PLCB4: variants seen among roughly 807,000 people sequenced by gnomAD.
PLCB4 encodes phospholipase C beta 4.
In PLCB4, 77 loss-of-function variants were observed where a neutral mutation model predicts 178.8. That is an observed-to-expected ratio of 0.43 (90% CI 0.36 to 0.52). The LOEUF is 0.52. PLCB4 is among the 20% of genes least tolerant of loss of function. PLCB4 has a pLI of 0.00. For synonymous variants in PLCB4, 496 were observed against 490.8 expected, an observed-to-expected ratio of 1.01 and a Z score of -0.14; for missense variants, 1,024 against 1,453.4, an observed-to-expected ratio of 0.70 and a Z score of 4.80.
At chr20:9,472,756 C>CA in intron 36 of PLCB4, 34 bp from the exon 37 acceptor site, 1 of 1,358,270 alleles carries the variant, frequency 7.4e-7, no homozygotes, top group Non-Finnish European at 1.0e-6. Context: ...CATTCAATGT[C>CA]ATACCAACCG....
At chr20:9,299,985 G>A (rs1456762427) in intron 3 of PLCB4, among the ~76,000 whole-genome samples, 1 of 152,026 alleles carries the variant, frequency 6.6e-6, no homozygotes, top group African/African-American at 2.4e-5. Flanking sequence ...TAATAAAAAT[G>A]GAGGTATTTT....
At chr20:9,195,502 A>G (rs2093460624) in intron 2 of PLCB4, among the ~76,000 whole-genome samples, 3 of 152,260 alleles carry the variant, frequency 2.0e-5, no homozygotes, top group Admixed American at 2.0e-4. Context: ...GGTGGGTATC[A>G]TCAGCAGTTC....
chr20:9,093,683 G>A lies in PLCB4; in HGVS notation c.-134-2604G>A, dbSNP rs527915964. ...GCACCTGGTTTGTCTTTGATGTGGG[G>A]TAGGCACAGCTTTACACATGGTCTT... On this transcript the variant is annotated intron_variant, in intron 1 of 39. Transcript: ENST00000378473. Among the ~76,000 whole-genome samples, 8 of 151,938 alleles carry A rather than the reference G, an allele frequency of 5.3e-5. No individual in the cohort carries two copies. In the South Asian group the frequency reaches 1.5e-3, roughly 28 times the overall value.
At position 9,316,614 on chromosome 20, in the gene PLCB4, G is replaced by A. The variant is rs1346303571; in HGVS notation, c.84+8716G>A. Among the ~76,000 whole-genome samples, 3 of 152,068 alleles carry A rather than the reference G, an allele frequency of 2.0e-5. No homozygotes were observed. The South Asian group carries it at 6.2e-4, about 32-fold the overall frequency. ...TAGGATATGTTAAGGTGGATGGGTC[G>A]AAGAATATCAGTTGTTCTCCTTAGG... On this transcript the variant is annotated intron_variant, in intron 4 of 39. Coordinates refer to ENST00000378473, the MANE Select transcript of PLCB4 (RefSeq NM_001377142.1).
At chr20:9,313,166 G>T (rs150269351) in intron 4 of PLCB4, among the ~76,000 whole-genome samples, 82 of 152,166 alleles carry the variant, frequency 5.4e-4, no homozygotes, top group African/African-American at 1.8e-3. Flanking sequence ...TACACTAAAA[G>T]ATACTTACAG....
At chr20:9,148,328 G>A (rs996494751) in intron 2 of PLCB4, among the ~76,000 whole-genome samples, 1 of 152,022 alleles carries the variant, frequency 6.6e-6, no homozygotes, top group African/African-American at 2.4e-5. Flanking sequence ...CTTTATATAG[G>A]AACAAATCAC....
rs79116827 is a variant in PLCB4, at chr20:9,328,548, G to A, written c.85-8578G>A. Among the ~76,000 whole-genome samples, 392 of 152,284 alleles carry A rather than the reference G, an allele frequency of 2.6e-3. 3 individuals carry two copies. The highest frequency in any genetic ancestry group is 8.8e-3 in the African/African-American group (365 of 41,564). On this transcript the variant is annotated intron_variant, in intron 4 of 39. Coordinates refer to ENST00000378473, the MANE Select transcript of PLCB4 (RefSeq NM_001377142.1). ...TTTGTGATGATTGCTGGCATCAGTG[G>A]CAAGGAGAATAGCAGAGGCTTCTTC...
At chr20:9,403,127 A>C (rs954979591) in intron 20 of PLCB4, among the ~76,000 whole-genome samples, 1 of 152,296 alleles carries the variant, frequency 6.6e-6, no homozygotes, top group Admixed American at 6.5e-5. Context: ...TAAAGGTATT[A>C]GTTGCTGGTA....
At chr20:9,093,498 A>G (rs540021206) in intron 1 of PLCB4, among the ~76,000 whole-genome samples, 2 of 152,322 alleles carry the variant, frequency 1.3e-5, no homozygotes, top group African/African-American at 4.8e-5. Context: ...TTTATTGGAA[A>G]GGAAACAGAT....
At chr20:9,226,603 C>T (rs1207650013) in intron 3 of PLCB4, among the ~76,000 whole-genome samples, 1 of 152,138 alleles carries the variant, frequency 6.6e-6, no homozygotes, top group South Asian at 2.1e-4. Context: ...TAGGACTTTT[C>T]TTATTGCAGA....
chr20:9,412,955 C>T (rs1188014055), intron 25 of PLCB4, among the ~76,000 whole-genome samples: 2 of 152,172 alleles, frequency 1.3e-5, no homozygotes, highest in African/African-American at 4.8e-5. Context: ...TACGACAGCT[C>T]AGTCAGGTTG....
intron 17 of PLCB4, among the ~76,000 whole-genome samples, chr20:9,393,184 G>A (rs2038289506): frequency 6.6e-6 from 1 of 152,072 alleles, no homozygotes; most frequent in African/African-American, 2.4e-5. Context: ...CTGACACTTG[G>A]GGGGATCTGG....
At chr20:9,161,791 C>T (rs2092892186) in intron 2 of PLCB4, among the ~76,000 whole-genome samples, 1 of 152,096 alleles carries the variant, frequency 6.6e-6, no homozygotes, top group South Asian at 2.1e-4. Context: ...TGAAAGGTAA[C>T]TGCTTTTTCA....
chr20:9,431,746 A>G (rs1410711088), intron 28 of PLCB4, among the ~76,000 whole-genome samples: 1 of 151,716 alleles, frequency 6.6e-6, no homozygotes, highest in African/African-American at 2.4e-5. Flanking sequence ...TTGACCTCAA[A>G]TGATCCACCC....
chr20:9,112,302 C>T (rs959750263), intron 2 of PLCB4, among the ~76,000 whole-genome samples: 5 of 150,012 alleles, frequency 3.3e-5, no homozygotes, highest in Non-Finnish European at 7.4e-5. Context: ...GTTGCCCAGG[C>T]CGCAGTACAG....
intron 2 of PLCB4, among the ~76,000 whole-genome samples, chr20:9,138,486 A>G (rs1056111463): frequency 1.3e-5 from 2 of 152,030 alleles, no homozygotes; most frequent in East Asian, 1.9e-4. Context: ...GGAGCATCTC[A>G]AAACAGGGAG....
intron 2 of PLCB4, among the ~76,000 whole-genome samples, chr20:9,213,634 T>A (rs1466560254): frequency 6.6e-6 from 1 of 152,220 alleles, no homozygotes; most frequent in African/African-American, 2.4e-5. Context: ...TTACATGTAA[T>A]TTTTATATGG....
intron 7 of PLCB4, among the ~76,000 whole-genome samples, chr20:9,339,995 G>A: frequency 6.6e-6 from 1 of 152,136 alleles, no homozygotes; most frequent in East Asian, 1.9e-4. Context: ...AAAGGACTAA[G>A]CCTTCACTTT....
chr20:9,102,706 C>T (rs973463255), intron 2 of PLCB4, among the ~76,000 whole-genome samples: 2 of 151,878 alleles, frequency 1.3e-5, no homozygotes, highest in Admixed American at 1.3e-4. Context: ...CTTAATATAC[C>T]TACTTTTTCC....
Sources: allele counts gnomAD v4.1 joint callset (sites outside exome capture counted in the v4.1 genomes callset), GRCh38; gene constraint gnomAD v4.1.1; transcripts MANE v1.5; gene names NCBI Gene and HGNC (gene_info 2026-07-23, HGNC 2026-07-21).